Variants in PPP1R13B observed in about 807,000 individuals in gnomAD.
The protein encoded by PPP1R13B is protein phosphatase 1 regulatory subunit 13B, also known as apoptosis-stimulating of p53 protein 1.
Under a neutral mutation model 119.8 loss-of-function variants are expected in PPP1R13B, and 44 were observed. The observed-to-expected ratio is 0.37, with a 90% CI of 0.29 to 0.47. The LOEUF is 0.47. Ranked by LOEUF, PPP1R13B falls within the 20% of genes least tolerant of loss-of-function variation. The pLI is 0.99. For synonymous variants in PPP1R13B, 542 were observed against 561.5 expected (o/e 0.97, Z 0.49); for missense variants, 1,227 against 1,413.5 (o/e 0.87, Z 2.12).
At chr14:103,789,155 G>GCTA (rs1441652236) in intron 2 of PPP1R13B, among the ~76,000 whole-genome samples, 2 of 152,176 alleles carry the variant, frequency 1.3e-5, no homozygotes, top group Non-Finnish European at 2.9e-5. Flanking sequence ...CCCTGGCTCT[G>GCTA]CTATTGTTAA....
intron 2 of PPP1R13B, among the ~76,000 whole-genome samples, chr14:103,791,480 A>G (rs1055380711): frequency 6.6e-6 from 1 of 152,214 alleles, no homozygotes; most frequent in Non-Finnish European, 1.5e-5. Flanking sequence ...TAATCCCAGC[A>G]CTTTGGGAGG....
intron 3 of PPP1R13B, among the ~76,000 whole-genome samples, chr14:103,784,519 G>T (rs2085406168): frequency 7.1e-6 from 1 of 141,564 alleles, no homozygotes; most frequent in Non-Finnish European, 1.5e-5. Flanking sequence ...GGAGGTGGAG[G>T]TTGCAGTGAG....
intron 8 of PPP1R13B, chr14:103,746,794 G>A (rs993629204): frequency 1.2e-5 from 4 of 337,460 alleles, no homozygotes; most frequent in African/African-American, 6.4e-5. Flanking sequence ...AGGAGCTGAT[G>A]TGAGGGCAGA....
intron 1 of PPP1R13B, chr14:103,846,936 C>T (rs1392406414): frequency 1.7e-6 from 2 of 1,181,630 alleles, no homozygotes; most frequent in East Asian, 1.1e-4. Flanking sequence ...AGGGCGACCC[C>T]AGAACGTTCG....
upstream of PPP1R13B, chr14:103,847,713 G>T: frequency 2.5e-6 from 2 of 789,940 alleles, no homozygotes; most frequent in Non-Finnish European, 3.1e-6. Flanking sequence ...TCCCGGCTCC[G>T]CCCGCTACCC....
intron 1 of PPP1R13B, among the ~76,000 whole-genome samples, chr14:103,804,443 C>T (rs2085971526): frequency 6.6e-6 from 1 of 152,124 alleles, no homozygotes; most frequent in Admixed American, 6.6e-5. Context: ...CAGGAATTAG[C>T]TGGGCATGGT....
chr14:103,820,727 G>A (rs2086388249), intron 1 of PPP1R13B, among the ~76,000 whole-genome samples: 1 of 139,452 alleles, frequency 7.2e-6, no homozygotes, highest in African/African-American at 2.7e-5. Flanking sequence ...CCAACTCCTA[G>A]TCCCAAGTGA....
intron 1 of PPP1R13B, chr14:103,847,001 C>A: frequency 8.5e-7 from 1 of 1,179,802 alleles, no homozygotes; most frequent in Non-Finnish European, 1.1e-6. Flanking sequence ...AGCGTCCGAC[C>A]GCGCACCTGA....
chr14:103,822,404 G>A (rs1255526034), intron 1 of PPP1R13B, among the ~76,000 whole-genome samples: 1 of 152,016 alleles, frequency 6.6e-6, no homozygotes, highest in African/African-American at 2.4e-5. Flanking sequence ...CAAAGTGCTG[G>A]GATTAGAAGA....
At chr14:103,784,109 G>A (rs1172913001) in intron 3 of PPP1R13B, among the ~76,000 whole-genome samples, 2 of 152,192 alleles carry the variant, frequency 1.3e-5, no homozygotes, top group East Asian at 3.8e-4. Flanking sequence ...CCAGGAGGCA[G>A]AGGTTGCAGT....
At chr14:103,811,957 G>A (rs997588541) in intron 1 of PPP1R13B, among the ~76,000 whole-genome samples, 5 of 150,580 alleles carry the variant, frequency 3.3e-5, no homozygotes, top group Admixed American at 2.0e-4. Context: ...CTACTTGGGA[G>A]GCTGAGGTGG....
At chr14:103,797,272 C>CA in intron 2 of PPP1R13B, 99 bp downstream of exon 2, 1 of 1,249,940 alleles carries the variant, frequency 8.0e-7, no homozygotes, top group Non-Finnish European at 1.1e-6. Flanking sequence ...TTTTTTTCCC[C>CA]ATCTTTATCA....
intron 1 of PPP1R13B, among the ~76,000 whole-genome samples, chr14:103,818,299 C>T (rs2152066623): frequency 6.6e-6 from 1 of 152,096 alleles, no homozygotes; most frequent in East Asian, 1.9e-4. Context: ...CAGAAGAGCC[C>T]TTATAAAACC....
At chr14:103,785,503 C>T (rs2085439938) in intron 2 of PPP1R13B, among the ~76,000 whole-genome samples, 3 of 149,788 alleles carry the variant, frequency 2.0e-5, no homozygotes, top group Admixed American at 1.3e-4. Flanking sequence ...TAGGCGTGAG[C>T]CATCACACTC....
chr14:103,740,557 G>A lies in PPP1R13B; in HGVS notation c.1859C>T (p.Ser620Phe). The change falls in exon 12 of 17, where the codon TCT becomes TTT. Residue 620 changes from serine to phenylalanine, a missense_variant. Physicochemically the swap from Ser to Phe is radical, Grantham distance 155 (BLOSUM62 -2). Coordinates refer to ENST00000202556, the MANE Select transcript of PPP1R13B (RefSeq NM_015316.3). The surrounding 1 kb of genome is among the most constrained non-coding windows in gnomAD (Gnocchi z 4.6). ...GKPVLPSGST[S>F]PSPLPFLHGS... ...GTGAAGAAACGGCAGCGGCGATGGA[G>A]AGGTTGAACCCGAAGGTAAAACGGG... 6.4e-7 allele frequency: 1 copy of A among 1,555,454 alleles called. No homozygotes were observed. Among genetic ancestry groups the A allele is most frequent in the Non-Finnish European group, 8.7e-7 (1 of 1,148,392 alleles).
chr14:103,840,997 A>AT (rs1355448105), intron 1 of PPP1R13B, among the ~76,000 whole-genome samples: 9 of 150,898 alleles, frequency 6.0e-5, no homozygotes, highest in African/African-American at 1.7e-4. Flanking sequence ...TTAATTAAAA[A>AT]TTTTTTTTGC....
At chr14:103,792,921 A>C (rs554716797) in intron 2 of PPP1R13B, among the ~76,000 whole-genome samples, 48 of 151,990 alleles carry the variant, frequency 3.2e-4, no homozygotes, top group Non-Finnish European at 5.9e-4. Flanking sequence ...AATGCAAAAA[A>C]TTAGCCGGGC....
chr14:103,824,955 TA>T (rs34155397), intron 1 of PPP1R13B, among the ~76,000 whole-genome samples: 66,877 of 151,926 alleles, frequency 0.44, 15,157 homozygotes, highest in African/African-American at 0.54. Flanking sequence ...GCATTTTTTT[TA>T]ACAAATTGAC....
intron 15 of PPP1R13B, chr14:103,736,495 A>G (rs1471664172): frequency 1.0e-5 from 5 of 488,462 alleles, no homozygotes; most frequent in Non-Finnish European, 1.9e-5. Flanking sequence ...GGTGACGCTT[A>G]GCAATCACAG....
Sources: allele counts gnomAD v4.1 joint callset (sites outside exome capture counted in the v4.1 genomes callset), GRCh38; gene constraint gnomAD v4.1.1; non-coding constraint Gnocchi (gnomAD v3.1); transcripts MANE v1.5; gene names NCBI Gene and HGNC (gene_info 2026-07-23, HGNC 2026-07-21).